The following MRGPRF variants were observed in gnomAD, a reference collection of about 807,000 sequenced individuals.
MRGPRF encodes MAS related GPR family member F, also known as mas-related G protein-coupled receptor member F.
Under a neutral mutation model 3.3 loss-of-function variants are expected in MRGPRF, and 2 were observed. The ratio of observed to expected loss-of-function variants is 0.61; its 90% CI spans 0.25 to 1.92. The LOEUF (loss-of-function observed/expected upper bound fraction) is 1.92, where lower values mean the gene tolerates loss of function less well. MRGPRF is among the 40% of genes most tolerant of loss of function. MRGPRF has a pLI of 0.16. For missense variants in MRGPRF, 500 were observed against 476.0 expected (o/e 1.05, Z -0.47); for synonymous variants, 242 against 222.7 (o/e 1.09, Z -0.77).
chr11:69,005,299 A>C lies in MRGPRF; in HGVS notation c.1011T>G (p.Cys337Trp). ...TPNTVTMEMQ[C>W]PPGNAS ...AGTCTCAGGAGGCGTTCCCCGGGGG[A>C]CACTGCATCTCCATGGTGACTGTGT... Residue 337 changes from cysteine to tryptophan, a missense_variant, in exon 3 of 3, where the codon TGT (cysteine) becomes TGG (tryptophan). Cys to Trp is a radical substitution (Grantham distance 215). Coordinates refer to ENST00000309099, the MANE Select transcript of MRGPRF (RefSeq NM_145015.5). 1 of 1,517,712 alleles carries C rather than the reference A, an allele frequency of 6.6e-7. No homozygotes were observed. Among genetic ancestry groups the C allele is most frequent in the Non-Finnish European group, 8.8e-7 (1 of 1,137,232 alleles). 94.0% of individuals were successfully genotyped at this position (1,517,712 alleles called of 1,614,324 possible).
rs755456887 is a variant in MRGPRF, at chr11:69,005,366, C to T, written c.944G>A (p.Arg315Gln). 2.1e-5 allele frequency: 33 copies of T among 1,569,108 alleles called. No homozygotes were observed. The South Asian group carries it at 2.5e-4, about 12-fold the overall frequency. Reference sequence around the variant, plus strand: ...GGCCTCCCCCAGCTCAGCGCCGTCCCGCAGGGCCCGCTGGAAGACCACCCT... The same window carrying T: ...GGCCTCCCCCAGCTCAGCGCCGTCCTGCAGGGCCCGCTGGAAGACCACCCT... ...PLRVVFQRAL[R>Q]DGAELGEAGG... The change falls in exon 3 of 3, where the codon CGG (arginine) becomes CAG (glutamine). Residue 315 changes from arginine to glutamine, a missense_variant. Transcript: ENST00000309099.
intron 1 of MRGPRF, among the ~76,000 whole-genome samples, chr11:69,011,707 C>T (rs1409693290): frequency 2.0e-5 from 3 of 152,200 alleles, no homozygotes; most frequent in African/African-American, 4.8e-5. Context: ...CTCTCCATTG[C>T]CCCTACTCTT....
chr11:69,008,657 C>CT (rs1218815221), intron 2 of MRGPRF, among the ~76,000 whole-genome samples: 1 of 152,202 alleles, frequency 6.6e-6, no homozygotes, highest in East Asian at 1.9e-4. Context: ...GGCTCAACCC[C>CT]TGTCGGCTGG....
upstream of MRGPRF, chr11:69,013,451 C>G (rs80059714): frequency 4.6e-5 from 7 of 152,450 alleles, no homozygotes; most frequent in East Asian, 1.9e-4. Context: ...CACTGCAGCC[C>G]GAGTCCAGCT....
At position 69,005,283 on chromosome 11, in the gene MRGPRF, AG is replaced by A; in HGVS notation, c.1026del (p.Ser343ProfsTer80). The A allele has an allele frequency of 6.7e-7, 1 of 1,493,612 alleles. No individual in the cohort carries two copies. Among genetic ancestry groups the A allele is most frequent in the Non-Finnish European group, 8.9e-7 (1 of 1,126,188 alleles). 92.5% of individuals were successfully genotyped at this position (1,493,612 alleles called of 1,614,324 possible). A position where few individuals can be genotyped will look rare whatever the true frequency, so the allele number is the denominator to read the frequency against. On this transcript the variant is annotated frameshift_variant, in exon 3 of 3. Coordinates refer to ENST00000309099, the MANE Select transcript of MRGPRF (RefSeq NM_145015.5). LOFTEE classifies it high-confidence loss of function. ...CTCCTCCAGGCGCTGGAGTCTCAGG[AG>A]GCGTTCCCCGGGGGACACTGCATCT... ...TMEMQCPPGN[A>X]S
chr11:69,005,216 G>A lies in MRGPRF; in HGVS notation c.*62C>T. 1 of 1,436,538 alleles carries A rather than the reference G, an allele frequency of 7.0e-7. No individual in the cohort carries two copies. The highest frequency in any genetic ancestry group is 2.6e-4 in the Middle Eastern group (1 of 3,920). The allele number at this position is 1,436,538 out of a possible 1,614,324, so 89.0% of individuals were successfully genotyped here. On this transcript the variant is annotated 3_prime_UTR_variant, in exon 3 of 3. Transcript: ENST00000309099. ...GACTCAGAAGCAGGTGCCCATTCCT[G>A]TCCCAAGGCGAAGGGTCTTGGAGGC...
At chr11:69,008,831 C>T (rs1332179133) in intron 2 of MRGPRF, among the ~76,000 whole-genome samples, 7 of 152,160 alleles carry the variant, frequency 4.6e-5, no homozygotes, top group African/African-American at 1.4e-4. Flanking sequence ...TGGATGGAGG[C>T]GGTCAGCTTA....
At chr11:69,006,619 CTTTTTTTTTTT>C (rs11326908) in intron 2 of MRGPRF, among the ~76,000 whole-genome samples, 10 of 107,936 alleles carry the variant, frequency 9.3e-5, no homozygotes, top group African/African-American at 3.7e-4. Context: ...GAGCCTTTCC[CTTTTTTTTTTT>C]TTTTTTTTTT....
In MRGPRF at chr11:69,006,041, A is replaced by G. The variant is rs2154012494; in HGVS notation, c.269T>C (p.Val90Ala). 6.3e-7 allele frequency: 1 copy of G among 1,583,258 alleles called. No homozygotes were observed. The highest frequency in any genetic ancestry group is 8.6e-7 in the Non-Finnish European group (1 of 1,164,510). The change falls in exon 3 of 3, where the codon GTG (valine) becomes GCG (alanine). Residue 90 changes from valine to alanine, a missense_variant. Coordinates refer to ENST00000309099, the MANE Select transcript of MRGPRF (RefSeq NM_145015.5). ...IYFLHLASAD[V>A]GYLFSKAVFS... Reference sequence around the variant, plus strand: ...CACCGCCTTGCTGAAGAGGTAGCCCACATCGGCGCTGGCCAGGTGCAGGAA... The same window carrying G: ...CACCGCCTTGCTGAAGAGGTAGCCCGCATCGGCGCTGGCCAGGTGCAGGAA...
rs1294337957 is a variant in MRGPRF at position 69,005,430 on chromosome 11, C to T, written c.880G>A (p.Ala294Thr). Reference sequence around the variant, plus strand: ...AGCCGCTGCGACTTGTCCCTCCCGGCCAGGAAGTAGACGATGGGCTTGGCG... The same window carrying T: ...AGCCGCTGCGACTTGTCCCTCCCGGTCAGGAAGTAGACGATGGGCTTGGCG... ...SSAKPIVYFL[A>T]GRDKSQRLWE... The change falls in exon 3 of 3, where the codon GCC becomes ACC. Residue 294 changes from alanine (A) to threonine (T), a missense_variant. Transcript: ENST00000309099. 1 of 1,588,886 alleles carries T rather than the reference C, an allele frequency of 6.3e-7. No individual in the cohort carries two copies. Among genetic ancestry groups the T allele is most frequent in the Admixed American group, 1.8e-5 (1 of 56,586 alleles).
At chr11:69,010,076 A>G (rs776307939) in intron 1 of MRGPRF, 119 bp from the exon 2 acceptor site, 9 of 637,818 alleles carry the variant, frequency 1.4e-5, no homozygotes, top group Non-Finnish European at 2.4e-5. Flanking sequence ...AGGAAAGGCA[A>G]TCACCCCACA....
At chr11:69,008,642 T>C (rs1452737617) in intron 2 of MRGPRF, among the ~76,000 whole-genome samples, 1 of 152,140 alleles carries the variant, frequency 6.6e-6, no homozygotes, top group African/African-American at 2.4e-5. Flanking sequence ...CTAAATACAT[T>C]TATAGGCTCA....
chr11:69,006,897 C>T (rs1293915537), intron 2 of MRGPRF, among the ~76,000 whole-genome samples: 5 of 152,300 alleles, frequency 3.3e-5, no homozygotes, highest in Admixed American at 1.3e-4. Context: ...GGATTATAGA[C>T]GTGAGTCACT....
At chr11:69,009,692 G>A (rs1369926251) in intron 2 of MRGPRF, 162 bp downstream of exon 2, 1 of 817,976 alleles carries the variant, frequency 1.2e-6, no homozygotes, top group Non-Finnish European at 2.0e-6. Flanking sequence ...GGGAACTTGT[G>A]CCCGGCCACA....
At position 69,011,566 on chromosome 11, in the gene MRGPRF, A is replaced by G. The variant is rs550521098; in HGVS notation, c.-57+1517T>C. 1.1e-4 allele frequency among the ~76,000 whole-genome samples: 16 copies of G among 152,114 alleles called. No individual in the cohort carries two copies. In the East Asian group the frequency reaches 2.5e-3, roughly 24 times the overall value. On this transcript the variant is annotated intron_variant, in intron 1 of 2. Transcript: ENST00000309099. The stretch of plus-strand genomic sequence containing the variant: ...TCCCTCCTTGGACTCCAGTTGGGCC[A>G]TTGTCCCGTTGCCACAGACAGGCCG...
intron 2 of MRGPRF, among the ~76,000 whole-genome samples, chr11:69,007,860 C>T (rs1860520279): frequency 6.6e-6 from 1 of 152,132 alleles, no homozygotes; most frequent in South Asian, 2.1e-4. Flanking sequence ...GGAGAGGCAG[C>T]AGCTATTTAT....
Position 69,009,904 on chromosome 11 carries a change from C to A in MRGPRF, c.-3G>T, listed in dbSNP as rs772170606. ...TCCCAGGAGCAGTTTCCAGCCATCT[C>A]CAGGCCTGGCGCGTCTGGGCCCCTG... On this transcript the variant is annotated 5_prime_UTR_variant, in exon 2 of 3. Coordinates refer to ENST00000309099, the MANE Select transcript of MRGPRF (RefSeq NM_145015.5). 6.2e-7 allele frequency: 1 copy of A among 1,604,984 alleles called. No individual in the cohort carries two copies. The highest frequency in any genetic ancestry group is 2.2e-5 in the East Asian group (1 of 44,878).
At chr11:69,010,697 A>C (rs1233666070) in intron 1 of MRGPRF, among the ~76,000 whole-genome samples, 2 of 152,194 alleles carry the variant, frequency 1.3e-5, no homozygotes, top group African/African-American at 4.8e-5. Flanking sequence ...TGTTTCGAGC[A>C]GCTGCCGTAG....
chr11:69,005,495 G>T lies in MRGPRF; in HGVS notation c.815C>A (p.Pro272His). The T allele has an allele frequency of 6.3e-7, 1 of 1,582,830 alleles. No homozygotes were observed. The highest frequency in any genetic ancestry group is 2.3e-5 in the East Asian group (1 of 43,130). ...FWVFQIPAPF[P>H]EYVTDLCICI... ...GATGCACAGGTCAGTGACGTACTCGGGGAAGGGGGCCGGGATCTGGAAGAC... is the reference window on the plus strand; with the variant it reads ...GATGCACAGGTCAGTGACGTACTCGTGGAAGGGGGCCGGGATCTGGAAGAC... Residue 272 changes from proline (P) to histidine (H), a missense_variant, in exon 3 of 3, where the codon CCC (proline) becomes CAC (histidine). Physicochemically the swap from Pro to His is moderately conservative, Grantham distance 77. Coordinates refer to ENST00000309099, the MANE Select transcript of MRGPRF (RefSeq NM_145015.5).
Sources: gnomAD v4.1 joint callset for allele counts (sites outside exome capture counted in the v4.1 genomes callset) on GRCh38, gnomAD v4.1.1 for gene constraint, MANE v1.5 for transcripts, NCBI Gene and HGNC (gene_info 2026-07-23, HGNC 2026-07-21) for gene names.